CAPN2: variants seen among roughly 807,000 people sequenced by gnomAD.
CAPN2 encodes calpain 2, also known as calpain-2 catalytic subunit.
Under a neutral mutation model 102.3 loss-of-function variants are expected in CAPN2, and 92 were observed. The observed-to-expected ratio is 0.90, with a 90% CI of 0.76 to 1.07. The LOEUF is 1.07. CAPN2 is among the 50% of genes least tolerant of loss of function. The pLI, the probability that CAPN2 is intolerant of heterozygous loss-of-function variation, is 0.00. For missense variants in CAPN2, 800 were observed against 909.4 expected, an observed-to-expected ratio of 0.88 and a Z score of 1.55; for synonymous variants, 340 against 355.4, an observed-to-expected ratio of 0.96 and a Z score of 0.49.
At chr1:223,762,612 T>TC (rs1400498901) in intron 14 of CAPN2, among the ~76,000 whole-genome samples, 3 of 152,252 alleles carry the variant, frequency 2.0e-5, no homozygotes, top group Admixed American at 6.5e-5. Context: ...TGGAAGGGTT[T>TC]CAAGTCTCAA....
At chr1:223,743,292 T>C (rs1050600490) in intron 2 of CAPN2, among the ~76,000 whole-genome samples, 3 of 152,162 alleles carry the variant, frequency 2.0e-5, no homozygotes, top group Non-Finnish European at 4.4e-5. Flanking sequence ...ACAGAAACCC[T>C]TCGGGACAGT....
At chr1:223,709,477 G>A (rs1272178184), upstream of CAPN2, among the ~76,000 whole-genome samples, 6 of 151,700 alleles carry the variant, frequency 4.0e-5, no homozygotes, top group Non-Finnish European at 7.4e-5. Flanking sequence ...CCTAGCCAAC[G>A]TGGAGAAACC....
chr1:223,735,789 T>G (rs887103928), intron 2 of CAPN2, among the ~76,000 whole-genome samples: 5 of 151,130 alleles, frequency 3.3e-5, no homozygotes, highest in Middle Eastern at 3.2e-3. Context: ...TTCTTTTCTT[T>G]TTTTTTTTGA....
At chr1:223,715,581 T>C (rs1659856189) in intron 1 of CAPN2, among the ~76,000 whole-genome samples, 1 of 151,966 alleles carries the variant, frequency 6.6e-6, no homozygotes, top group Non-Finnish European at 1.5e-5. Context: ...CAAGAGTGGC[T>C]CCAGTGCCTG....
chr1:223,712,653 G>A lies in CAPN2; in HGVS notation c.13G>A (p.Ala5Thr), dbSNP rs1360820582. Residue 5 changes from alanine to threonine, a missense_variant, in exon 1 of 21, where the codon GCG (alanine) becomes ACG (threonine). Ala to Thr is a moderately conservative substitution (Grantham distance 58). Transcript: ENST00000295006. ...CCGGGACCGCAGCATGGCGGGCATC[G>A]CGGCCAAGCTGGCGAAGGACCGGGA... MAGI[A>T]AKLAKDREAA... 1 of 1,531,802 alleles carries A rather than the reference G, an allele frequency of 6.5e-7. No individual in the cohort carries two copies. The highest frequency in any genetic ancestry group is 1.4e-5 in the African/African-American group (1 of 70,930). 94.9% of individuals were successfully genotyped at this position (1,531,802 alleles called of 1,614,324 possible).
intron 2 of CAPN2, among the ~76,000 whole-genome samples, chr1:223,737,721 G>GGGTC (rs146144248): frequency 1.4e-5 from 1 of 70,192 alleles, no homozygotes. Context: ...GGGTGGGGGG[G>GGGTC]AGAGAATACA....
At chr1:223,720,415 G>T (rs1195911480) in intron 2 of CAPN2, among the ~76,000 whole-genome samples, 1 of 146,092 alleles carries the variant, frequency 6.8e-6, no homozygotes, top group African/African-American at 2.6e-5. Flanking sequence ...TCCTGGGCTC[G>T]AGTGATCCTC....
At chr1:223,722,393 T>C (rs1387850186) in intron 2 of CAPN2, among the ~76,000 whole-genome samples, 1 of 138,608 alleles carries the variant, frequency 7.2e-6, no homozygotes, top group African/African-American at 2.7e-5. Context: ...GCTCAAGCAA[T>C]CCTCCCACCT....
In CAPN2 at chr1:223,775,152, C is replaced by A; in HGVS notation, c.*295C>A. 1 of 353,106 alleles carries A rather than the reference C, an allele frequency of 2.8e-6. No individual in the cohort carries two copies. Among genetic ancestry groups the A allele is most frequent in the South Asian group, 6.2e-5 (1 of 16,138 alleles). The allele number at this position is 353,106 out of a possible 1,614,324, so 21.9% of individuals were successfully genotyped here. Reference sequence around the variant, plus strand: ...TACACTTTTTACTTTTACACACTTTCCTGTTCATAGCAATATTAAATCAGG... The same window carrying A: ...TACACTTTTTACTTTTACACACTTTACTGTTCATAGCAATATTAAATCAGG... On this transcript the variant is annotated 3_prime_UTR_variant, in exon 21 of 21. Transcript: ENST00000295006.
Position 223,772,236 on chromosome 1 carries a change from C to T in CAPN2, c.2076C>T (p.Ile692=), listed in dbSNP as rs753593124. The T allele has an allele frequency of 2.5e-6, 4 of 1,613,852 alleles. No individual in the cohort carries two copies. In the South Asian group the frequency reaches 3.3e-5, roughly 13 times the overall value. ...ENTGTIELDL[I]SWLCFSVL is the part of the protein sequence containing the mutation. ...CTGGAACAATAGAGCTCGACCTTATCTCTGTGAGTCAGCAGGCCCCGCCTT... is the reference window on the plus strand; with the variant it reads ...CTGGAACAATAGAGCTCGACCTTATTTCTGTGAGTCAGCAGGCCCCGCCTT... The change falls in exon 20 of 21, where the codon ATC becomes ATT. Residue 692 remains isoleucine, a synonymous_variant. Coordinates refer to ENST00000295006, the MANE Select transcript of CAPN2 (RefSeq NM_001748.5).
intron 2 of CAPN2, among the ~76,000 whole-genome samples, chr1:223,724,855 TC>T (rs1660147713): frequency 6.6e-6 from 1 of 152,036 alleles, no homozygotes; most frequent in Non-Finnish European, 1.5e-5. Flanking sequence ...CACCTGTAGT[TC>T]CAGCTACTTG....
chr1:223,767,208 C>T (rs1233836053), intron 16 of CAPN2, among the ~76,000 whole-genome samples: 4 of 151,498 alleles, frequency 2.6e-5, no homozygotes, highest in Non-Finnish European at 5.9e-5. Context: ...TATTATTATA[C>T]TTTAAGTTTT....
chr1:223,701,706 A>C lies in CAPN2; in HGVS notation c.-123A>C, dbSNP rs1443417893. ...AGAAAACAAAAAAAAAGCAAAGAAAAAAATATTTTTAAAGAAAGAAAGAAG... is the reference window on the plus strand; with the variant it reads ...AGAAAACAAAAAAAAAGCAAAGAAACAAATATTTTTAAAGAAAGAAAGAAG... On this transcript the variant is annotated 5_prime_UTR_variant, in exon 1 of 21. Transcript: ENST00000433674. 4 of 152,378 alleles carry C rather than the reference A, an allele frequency of 2.6e-5. No homozygotes were observed. In the East Asian group the frequency reaches 7.7e-4, roughly 29 times the overall value. 9.4% of individuals were successfully genotyped at this position (152,378 alleles called of 1,614,324 possible). A position where few individuals can be genotyped will look rare whatever the true frequency, so the allele number is the denominator to read the frequency against.
chr1:223,709,764 G>A (rs1659692126), upstream of CAPN2, among the ~76,000 whole-genome samples: 1 of 152,168 alleles, frequency 6.6e-6, no homozygotes, highest in Non-Finnish European at 1.5e-5. Flanking sequence ...TACATGACGT[G>A]AAGAGTACTG....
intron 10 of CAPN2, 131 bp from the exon 11 acceptor site, chr1:223,757,238 G>A: frequency 9.9e-7 from 1 of 1,008,924 alleles, no homozygotes; most frequent in Non-Finnish European, 1.6e-6. Flanking sequence ...TTGGAAAACA[G>A]TTACTCGGTT....
intron 16 of CAPN2, among the ~76,000 whole-genome samples, chr1:223,768,272 A>G (rs1290229118): frequency 2.7e-5 from 4 of 150,712 alleles, no homozygotes; most frequent in African/African-American, 9.8e-5. Context: ...GCCCATGCCT[A>G]TGTCCTGAAT....
At chr1:223,773,492 G>A (rs531528242) in intron 20 of CAPN2, among the ~76,000 whole-genome samples, 3 of 152,126 alleles carry the variant, frequency 2.0e-5, no homozygotes, top group African/African-American at 7.2e-5. Context: ...TTGGGAGTTC[G>A]AGACCAGCCT....
At chr1:223,764,030 T>G (rs1019755583) in intron 14 of CAPN2, 120 bp from the exon 15 acceptor site, 1 of 761,074 alleles carries the variant, frequency 1.3e-6, no homozygotes, top group Admixed American at 1.8e-5. Flanking sequence ...CTCGGGGGCT[T>G]GTTAGAAATG....
Position 223,764,270 on chromosome 1 carries a change from G to A in CAPN2, c.1690+63G>A, listed in dbSNP as rs537832530. The stretch of plus-strand genomic sequence containing the variant: ...TTCCCCTGTGGATGGGAGGGAACAT[G>A]GAAATCTTTCCCCCTCCATGTCTGG... On this transcript the variant is annotated intron_variant, in intron 15 of 20. Transcript: ENST00000295006. 14 of 1,424,370 alleles carry A rather than the reference G, an allele frequency of 9.8e-6. No homozygotes were observed. The East Asian group carries it at 3.2e-4, about 33-fold the overall frequency. 88.2% of individuals were successfully genotyped at this position (1,424,370 alleles called of 1,614,324 possible). A position where few individuals can be genotyped will look rare whatever the true frequency, so the allele number is the denominator to read the frequency against.
Sources: gnomAD v4.1 joint callset for allele counts (sites outside exome capture counted in the v4.1 genomes callset) on GRCh38, gnomAD v4.1.1 for gene constraint, MANE v1.5 for transcripts, NCBI Gene and HGNC (gene_info 2026-07-23, HGNC 2026-07-21) for gene names.